Variants in NUDT12 observed in about 807,000 individuals in gnomAD.
NUDT12 encodes the protein NAD-capped RNA hydrolase NUDT12.
NUDT12 carries 42 observed loss-of-function variants against 45.7 expected under a neutral mutation model. The ratio of observed to expected loss-of-function variants is 0.92; its 90% CI spans 0.72 to 1.19. The LOEUF (loss-of-function observed/expected upper bound fraction) is 1.19. Ranked by LOEUF, NUDT12 falls within the 50% of genes most tolerant of loss-of-function variation. The pLI is 0.00. For synonymous variants in NUDT12, 206 were observed against 179.7 expected (o/e 1.15, Z -1.17); for missense variants, 590 against 533.1 (o/e 1.11, Z -1.05).
In NUDT12 at chr5:103,548,982, T is replaced by C. The variant is rs969462964; in HGVS notation, c.*1879A>G. On this transcript the variant is annotated 3_prime_UTR_variant, in exon 7 of 7. Transcript: ENST00000230792. Reference sequence around the variant, plus strand: ...TACATAGCTTTTCACCTCTCAGAGGTTGGCAATTTAAGAGTTGTTATTAAA... The same window carrying C: ...TACATAGCTTTTCACCTCTCAGAGGCTGGCAATTTAAGAGTTGTTATTAAA... 1.3e-5 allele frequency: 2 copies of C among 152,158 alleles called. No individual in the cohort carries two copies. The highest frequency in any genetic ancestry group is 6.6e-5 in the Admixed American group (1 of 15,260). 9.4% of individuals were successfully genotyped at this position (152,158 alleles called of 1,614,324 possible). A position where few individuals can be genotyped will look rare whatever the true frequency, so the allele number is the denominator to read the frequency against.
intron 1 of NUDT12, 75 bp from the exon 2 acceptor site, chr5:103,560,329 G>T: frequency 1.2e-6 from 1 of 849,966 alleles, no homozygotes; most frequent in Non-Finnish European, 1.9e-6. Flanking sequence ...TTGATAAATA[G>T]CAATAGAATA....
At position 103,550,692 on chromosome 5, in the gene NUDT12, A is replaced by G. The variant is rs1580689671; in HGVS notation, c.*169T>C. 1 of 468,506 alleles carries G rather than the reference A, an allele frequency of 2.1e-6. No individual in the cohort carries two copies. Among genetic ancestry groups the G allele is most frequent in the Admixed American group, 3.6e-5 (1 of 27,980 alleles). The allele number at this position is 468,506 out of a possible 1,614,324, so 29.0% of individuals were successfully genotyped here. A position where few individuals can be genotyped will look rare whatever the true frequency, so the allele number is the denominator to read the frequency against. ...CTGAGGCAATATTGTAAAAATGTGTAAAAATATGAATTTGTGATTAAGACA... is the reference window on the plus strand; with the variant it reads ...CTGAGGCAATATTGTAAAAATGTGTGAAAATATGAATTTGTGATTAAGACA... On this transcript the variant is annotated 3_prime_UTR_variant, in exon 7 of 7. Coordinates refer to ENST00000230792, the MANE Select transcript of NUDT12 (RefSeq NM_031438.4).
At chr5:103,552,697 A>G (rs1385887173) in intron 5 of NUDT12, among the ~76,000 whole-genome samples, 1 of 152,214 alleles carries the variant, frequency 6.6e-6, no homozygotes, top group African/African-American at 2.4e-5. Context: ...AAAATATCCA[A>G]TACCTAATAC....
chr5:103,556,233 T>C (rs967892391), intron 3 of NUDT12, 135 bp from the exon 4 acceptor site: 20 of 523,050 alleles, frequency 3.8e-5, no homozygotes, highest in African/African-American at 1.2e-4. Flanking sequence ...TTATAATGCG[T>C]ATTCTTCTTT....
intron 5 of NUDT12, among the ~76,000 whole-genome samples, 171 bp from the exon 6 acceptor site, chr5:103,552,587 A>G (rs1043508633): frequency 1.3e-5 from 2 of 152,220 alleles, no homozygotes; most frequent in African/African-American, 4.8e-5. Context: ...TTTTTAAAGT[A>G]CATGACCACA....
chr5:103,557,378 C>T (rs934363698), intron 3 of NUDT12, among the ~76,000 whole-genome samples: 8 of 149,204 alleles, frequency 5.4e-5, no homozygotes, highest in Non-Finnish European at 7.4e-5. Context: ...ACATACCACA[C>T]CAGACTTTGA....
At chr5:103,561,258 C>T (rs887865994) in intron 1 of NUDT12, among the ~76,000 whole-genome samples, 1 of 151,832 alleles carries the variant, frequency 6.6e-6, no homozygotes, top group African/African-American at 2.4e-5. Flanking sequence ...AGGTTATAGC[C>T]CATAGTTTTT....
At chr5:103,561,297 G>A (rs890139016) in intron 1 of NUDT12, among the ~76,000 whole-genome samples, 7 of 152,210 alleles carry the variant, frequency 4.6e-5, no homozygotes, top group Admixed American at 1.3e-4. Context: ...GGTTCTGAAA[G>A]GGCGATCTGG....
Position 103,560,397 on chromosome 5 carries a change from A to G in NUDT12, c.-6-143T>C, listed in dbSNP as rs773052235. On this transcript the variant is annotated intron_variant, in intron 1 of 6. Transcript: ENST00000230792. ...AACAGGCAATCCTTAAACAGCATAC[A>G]TTTCAATTTCAAAATGTTATCAGTT... 3 of 615,578 alleles carry G rather than the reference A, an allele frequency of 4.9e-6. No individual in the cohort carries two copies. In the African/African-American group the frequency reaches 5.5e-5, roughly 11 times the overall value. The allele number at this position is 615,578 out of a possible 1,614,324, so 38.1% of individuals were successfully genotyped here.
rs1256352003 is a variant in NUDT12, at chr5:103,559,086, T to C, written c.589A>G (p.Ile197Val). 1 of 1,612,878 alleles carries C rather than the reference T, an allele frequency of 6.2e-7. No individual in the cohort carries two copies. The highest frequency in any genetic ancestry group is 8.5e-7 in the Non-Finnish European group (1 of 1,179,528). ...YLAQPEKITLIFLGVELEIKD... is the reference protein window; with the variant it reads ...YLAQPEKITLVFLGVELEIKD... The stretch of plus-strand genomic sequence containing the variant: ...ATTTCAAGTTCTACTCCAAGAAAAA[T>C]CAAGGTGATCTTCTCAGGCTGGGCC... The change falls in exon 3 of 7, where the codon ATT becomes GTT. Residue 197 changes from isoleucine (I) to valine (V), a missense_variant. By Grantham distance (29) the Ile-to-Val change is conservative. Coordinates refer to ENST00000230792, the MANE Select transcript of NUDT12 (RefSeq NM_031438.4).
intron 5 of NUDT12, among the ~76,000 whole-genome samples, chr5:103,553,336 C>T (rs1189897381): frequency 6.6e-6 from 1 of 151,816 alleles, no homozygotes; most frequent in Non-Finnish European, 1.5e-5. Context: ...AAAAGATAAA[C>T]ATCTAAAATT....
rs529610707 is a variant in NUDT12, at chr5:103,554,119, A to G, written c.1078+621T>C. Among the ~76,000 whole-genome samples the G allele has an allele frequency of 1.8e-3, 281 of 152,198 alleles. 3 individuals carry two copies. The highest frequency in any genetic ancestry group is 0.018 in the Admixed American group (273 of 15,264). On this transcript the variant is annotated intron_variant, in intron 5 of 6. Transcript: ENST00000230792. ...TATTGGAAATTGAAATTGAGATAAA[A>G]CATATTAATTAGATGTATTCATTCA...
intron 5 of NUDT12, 92 bp from the exon 6 acceptor site, chr5:103,552,508 G>A (rs1331433363): frequency 2.2e-6 from 2 of 915,984 alleles, no homozygotes; most frequent in East Asian, 2.5e-5. Flanking sequence ...AATCACTTTG[G>A]ACAGAAACCC....
Position 103,555,974 on chromosome 5 carries a change from A to T in NUDT12, c.921T>A (p.Cys307Ter). ...TATTATGGACGCCATTGAGACTAGG[A>T]CAGTCTTCTTTTAAACATAATCTCT... ...GYKRLCLKED[C>*]PSLNGVHNTS... is the part of the protein sequence containing the mutation. The change falls in exon 4 of 7, where the codon TGT (cysteine) becomes TGA (stop). Residue 307 changes from cysteine (C) to a stop codon, truncating the protein, a stop_gained. Transcript: ENST00000230792. LOFTEE classifies it high-confidence loss of function. 6.2e-7 allele frequency: 1 copy of T among 1,610,058 alleles called. No homozygotes were observed. Among genetic ancestry groups the T allele is most frequent in the Non-Finnish European group, 8.5e-7 (1 of 1,177,632 alleles).
rs759653734 is a variant in NUDT12 at position 103,549,558 on chromosome 5, T to C, written c.*1303A>G. 5.3e-5 allele frequency: 8 copies of C among 152,016 alleles called. No individual in the cohort carries two copies. The East Asian group carries it at 9.6e-4, about 18-fold the overall frequency. 9.4% of individuals were successfully genotyped at this position (152,016 alleles called of 1,614,324 possible). A position where few individuals can be genotyped will look rare whatever the true frequency, so the allele number is the denominator to read the frequency against. Reference sequence around the variant, plus strand: ...GTCCTCTGCATTATATAGTACAGACTGTTGTAATTAGTTATGTAACTTTCA... The same window carrying C: ...GTCCTCTGCATTATATAGTACAGACCGTTGTAATTAGTTATGTAACTTTCA... On this transcript the variant is annotated 3_prime_UTR_variant, in exon 7 of 7. Coordinates refer to ENST00000230792, the MANE Select transcript of NUDT12 (RefSeq NM_031438.4).
At chr5:103,562,392 C>T (rs1749060971) in intron 1 of NUDT12, among the ~76,000 whole-genome samples, 1 of 152,182 alleles carries the variant, frequency 6.6e-6, no homozygotes, top group East Asian at 1.9e-4. Context: ...AGATATTTTA[C>T]TTTCTTGCCA....
Position 103,552,409 on chromosome 5 carries a change from T to C in NUDT12, c.1086A>G (p.Thr362=). ...CLAGFIEPGE[T]IEDAVRREVE... ...CTTCTCTCCTAACAGCATCTTCTAT[T>C]GTCTCTCCTAATGAAATGGAGCAAA... The change falls in exon 6 of 7, where the codon ACA becomes ACG. Residue 362 remains threonine, a synonymous_variant. Transcript: ENST00000230792. The C allele has an allele frequency of 1.2e-6, 2 of 1,613,460 alleles. No individual in the cohort carries two copies.
Position 103,554,791 on chromosome 5 carries a change from T to C in NUDT12, c.1027A>G (p.Lys343Glu), listed in dbSNP as rs778454067. The C allele has an allele frequency of 7.0e-6, 11 of 1,562,428 alleles. No individual in the cohort carries two copies. The highest frequency in any genetic ancestry group is 9.6e-6 in the Non-Finnish European group (11 of 1,150,266). ...GTAAACATGCCTGGGGGAAATCTTT[T>C]CTGCCTGCCTAAAAGGCATTTGGTC... ...DGTKCLLGRQ[K>E]RFPPGMFTCL... The change falls in exon 5 of 7, where the codon AAA (lysine) becomes GAA (glutamate). Residue 343 changes from lysine (K) to glutamate (E), a missense_variant. Transcript: ENST00000230792.
At chr5:103,558,215 TACC>T (rs1320089369) in intron 3 of NUDT12, among the ~76,000 whole-genome samples, 1 of 152,046 alleles carries the variant, frequency 6.6e-6, no homozygotes, top group Non-Finnish European at 1.5e-5. Flanking sequence ...CATGCCATAT[TACC>T]ACCATCTCTC....
Sources: allele counts gnomAD v4.1 joint callset (sites outside exome capture counted in the v4.1 genomes callset), GRCh38; gene constraint gnomAD v4.1.1; transcripts MANE v1.5; gene names NCBI Gene and HGNC (gene_info 2026-07-23, HGNC 2026-07-21).